Variants in RASSF4 observed in about 807,000 individuals in gnomAD.
The protein encoded by RASSF4 is Ras association domain family member 4.
A neutral mutation model predicts 41.1 loss-of-function variants in RASSF4; 38 were observed. The observed-to-expected ratio is 0.92, with a 90% CI of 0.71 to 1.21. RASSF4 has a LOEUF of 1.21. Ranked by LOEUF, RASSF4 falls within the 50% of genes most tolerant of loss-of-function variation. The pLI is 0.00. For missense variants in RASSF4, 414 were observed against 419.4 expected, an observed-to-expected ratio of 0.99 and a Z score of 0.11; for synonymous variants, 179 against 163.4, an observed-to-expected ratio of 1.10 and a Z score of -0.73.
chr10:44,993,795 A>T lies in RASSF4; in HGVS notation c.*466A>T, dbSNP rs750495897. ...AGCAGGGCCTGCCAGCAGGTATGAGATCTAGCCTGCTTTCAGCCATCACCT... is the reference window on the plus strand; with the variant it reads ...AGCAGGGCCTGCCAGCAGGTATGAGTTCTAGCCTGCTTTCAGCCATCACCT... On this transcript the variant is annotated 3_prime_UTR_variant, in exon 11 of 11. Coordinates refer to ENST00000340258, the MANE Select transcript of RASSF4 (RefSeq NM_032023.4). 3 of 162,506 alleles carry T rather than the reference A, an allele frequency of 1.8e-5. No homozygotes were observed. Among genetic ancestry groups the T allele is most frequent in the Admixed American group, 5.9e-5 (1 of 17,044 alleles). 10.1% of individuals were successfully genotyped at this position (162,506 alleles called of 1,614,324 possible).
Position 44,989,312 on chromosome 10 carries a change from T to TG in RASSF4, c.571dup (p.Val191GlyfsTer21). The TG allele has an allele frequency of 6.2e-7, 1 of 1,613,860 alleles. No individual in the cohort carries two copies. Among genetic ancestry groups the TG allele is most frequent in the South Asian group, 1.1e-5 (1 of 91,054 alleles). ...CTCCAGCCTATGGATCCGTGACCAA[T>TG]GTGAGGGTCAACAGCACCATGACAA... On this transcript the variant is annotated frameshift_variant, in exon 7 of 11. Coordinates refer to ENST00000340258, the MANE Select transcript of RASSF4 (RefSeq NM_032023.4). LOFTEE classifies it high-confidence loss of function.
intron 2 of RASSF4, chr10:44,970,549 T>C (rs1418516777): frequency 5.2e-6 from 2 of 382,226 alleles, no homozygotes; most frequent in East Asian, 4.0e-5. Context: ...TTTACATTGA[T>C]TGCATGTTGA....
At position 44,993,365 on chromosome 10, in the gene RASSF4, G is replaced by A; in HGVS notation, c.*36G>A. The A allele has an allele frequency of 6.4e-7, 1 of 1,556,270 alleles. No homozygotes were observed. The highest frequency in any genetic ancestry group is 8.7e-7 in the Non-Finnish European group (1 of 1,147,696). ...CCTGCCTCTTCCAAAGTCCCCAGCA[G>A]TGGCAGGTGTACACTGAGCCCTGGT... is the stretch of plus-strand genomic sequence containing the variant. On this transcript the variant is annotated 3_prime_UTR_variant, in exon 11 of 11. Coordinates refer to ENST00000340258, the MANE Select transcript of RASSF4 (RefSeq NM_032023.4).
At chr10:44,965,247 G>A (rs1304561811) in intron 1 of RASSF4, among the ~76,000 whole-genome samples, 1 of 152,212 alleles carries the variant, frequency 6.6e-6, no homozygotes, top group East Asian at 1.9e-4. Context: ...GGCTATGGAA[G>A]GAGGAGAGGC....
intron 3 of RASSF4, among the ~76,000 whole-genome samples, chr10:44,972,125 CT>C (rs1380331953): frequency 2.0e-5 from 3 of 152,184 alleles, no homozygotes; most frequent in African/African-American, 7.2e-5. Flanking sequence ...CCCCTTTCCC[CT>C]TCCCCCGAGA....
intron 3 of RASSF4, among the ~76,000 whole-genome samples, chr10:44,974,801 A>AG (rs1841333174): frequency 1.3e-5 from 2 of 152,080 alleles, no homozygotes; most frequent in African/African-American, 4.8e-5. Context: ...CCCGCTTCCG[A>AG]GGGGCTAGAG....
At chr10:44,981,743 G>C (rs936969468) in intron 3 of RASSF4, 1 of 152,320 alleles carries the variant, frequency 6.6e-6, no homozygotes, top group East Asian at 1.9e-4. Flanking sequence ...CAGAGGCCTG[G>C]AATAGGTCAG....
chr10:44,988,688 T>C (rs1340520769), intron 6 of RASSF4, among the ~76,000 whole-genome samples: 8 of 152,182 alleles, frequency 5.3e-5, no homozygotes, highest in Admixed American at 4.6e-4. Flanking sequence ...CTGATTCAGA[T>C]GGTATGGAGC....
At chr10:44,985,027 G>A in intron 6 of RASSF4, 57 bp downstream of exon 6, 2 of 1,566,404 alleles carry the variant, frequency 1.3e-6, no homozygotes, top group Non-Finnish European at 8.7e-7. Context: ...CCTGAGCACA[G>A]GCACAGCAAG....
intron 4 of RASSF4, 187 bp from the exon 5 acceptor site, chr10:44,983,835 G>C: frequency 1.0e-6 from 1 of 987,026 alleles, no homozygotes; most frequent in Middle Eastern, 3.3e-4. Context: ...AGCAGATGCT[G>C]GGGGGAGGCC....
chr10:44,978,464 C>T (rs1479991819), intron 3 of RASSF4, among the ~76,000 whole-genome samples: 1 of 152,170 alleles, frequency 6.6e-6, no homozygotes. Flanking sequence ...ATGAAATAAC[C>T]CCTGAATCCC....
chr10:44,984,408 G>C (rs780114808), intron 5 of RASSF4: 1 of 506,958 alleles, frequency 2.0e-6, no homozygotes, highest in Admixed American at 3.5e-5. Context: ...AAGGCACTGC[G>C]CTCTCCTGGC....
intron 3 of RASSF4, among the ~76,000 whole-genome samples, chr10:44,972,747 G>A (rs897320966): frequency 3.3e-5 from 5 of 152,242 alleles, no homozygotes; most frequent in Non-Finnish European, 5.9e-5. Context: ...TCTTATCGTG[G>A]TGAGGCTGTT....
chr10:44,978,176 T>G (rs1330857349), intron 3 of RASSF4: 3 of 885,784 alleles, frequency 3.4e-6, no homozygotes, highest in Non-Finnish European at 5.0e-6. Flanking sequence ...ATTTGAAGTC[T>G]ACAGAGCCCA....
intron 5 of RASSF4, 48 bp from the exon 6 acceptor site, chr10:44,984,765 C>G (rs1324053280): frequency 2.5e-6 from 4 of 1,602,668 alleles, no homozygotes; most frequent in Non-Finnish European, 3.4e-6. Context: ...GGCAGTTGCT[C>G]TGTCAGCATC....
chr10:44,979,371 A>G lies in RASSF4; in HGVS notation c.139-3150A>G, dbSNP rs77718753. ...ACTTGTTCACCAGATATGAGGTGCT[A>G]GTGTGTGCTGTGAATGCACTAAGCA... On this transcript the variant is annotated intron_variant, in intron 3 of 10. Transcript: ENST00000340258. Among the ~76,000 whole-genome samples, 68 of 152,322 alleles carry G rather than the reference A, an allele frequency of 4.5e-4. 1 individual carries two copies. Among genetic ancestry groups the G allele is most frequent in the African/African-American group, 1.6e-3 (66 of 41,572 alleles).
intron 3 of RASSF4, chr10:44,976,711 G>A (rs1351168787): frequency 6.5e-6 from 1 of 152,672 alleles, no homozygotes; most frequent in African/African-American, 2.4e-5. Context: ...AGTGGTGTAG[G>A]GGTGGGGATG....
chr10:44,977,213 G>C, intron 3 of RASSF4: 2 of 749,412 alleles, frequency 2.7e-6, no homozygotes, highest in Non-Finnish European at 4.2e-6. Flanking sequence ...CTCCTCATGT[G>C]AAACAGGCTG....
Position 44,993,975 on chromosome 10 carries a change from A to T in RASSF4, c.*646A>T, listed in dbSNP as rs1842212756. The T allele has an allele frequency of 6.6e-6, 1 of 152,254 alleles. No homozygotes were observed. Among genetic ancestry groups the T allele is most frequent in the South Asian group, 2.1e-4 (1 of 4,830 alleles). The allele number at this position is 152,254 out of a possible 1,614,324, so 9.4% of individuals were successfully genotyped here. A position where few individuals can be genotyped will look rare whatever the true frequency, so the allele number is the denominator to read the frequency against. On this transcript the variant is annotated 3_prime_UTR_variant, in exon 11 of 11. Transcript: ENST00000340258. ...TACTTCATCAGAGAGACCTAAAGCG[A>T]TTCTTACAAGGAGCTTGCTGCAAGA...
Sources: gnomAD v4.1 joint callset for allele counts (sites outside exome capture counted in the v4.1 genomes callset) on GRCh38, gnomAD v4.1.1 for gene constraint, MANE v1.5 for transcripts, NCBI Gene and HGNC (gene_info 2026-07-23, HGNC 2026-07-21) for gene names.